Variants in NECAB1 observed in about 807,000 individuals in gnomAD.
NECAB1 encodes the protein N-terminal EF-hand calcium-binding protein 1.
In NECAB1, 29 loss-of-function variants were observed where a neutral mutation model predicts 57.5. That is an observed-to-expected ratio of 0.50 (90% CI 0.38 to 0.69). The LOEUF is 0.69. Among genes scored for constraint, NECAB1 ranks in the 30% least tolerant of loss-of-function variants. NECAB1 has a pLI of 0.00. For missense variants in NECAB1, 372 were observed against 413.8 expected (o/e 0.90, Z 0.88); for synonymous variants, 142 against 147.7 (o/e 0.96, Z 0.28).
At chr8:90,862,390 G>A (rs778496456) in intron 3 of NECAB1, among the ~76,000 whole-genome samples, 28 of 152,102 alleles carry the variant, frequency 1.8e-4, no homozygotes, top group Non-Finnish European at 5.9e-5. Context: ...TGGATGTTGG[G>A]CAGTGAGCAT....
intron 5 of NECAB1, among the ~76,000 whole-genome samples, chr8:90,887,118 A>T (rs28720868): frequency 5.9e-5 from 9 of 152,198 alleles, no homozygotes; most frequent in Non-Finnish European, 2.9e-5. Context: ...CATGCCATTT[A>T]TCATCCTTTA....
At chr8:90,945,056 C>G (rs144893718) in intron 10 of NECAB1, among the ~76,000 whole-genome samples, 2 of 151,942 alleles carry the variant, frequency 1.3e-5, no homozygotes, top group East Asian at 3.9e-4. Flanking sequence ...TGCCACCATG[C>G]CTGGCTAATT....
chr8:90,939,977 A>G (rs1242458952), intron 9 of NECAB1, among the ~76,000 whole-genome samples: 1 of 152,208 alleles, frequency 6.6e-6, no homozygotes, highest in Non-Finnish European at 1.5e-5. Context: ...ATTCATGCCA[A>G]TCCTTACTTT....
intron 2 of NECAB1, among the ~76,000 whole-genome samples, chr8:90,803,952 G>A (rs1304034440): frequency 6.6e-6 from 1 of 152,162 alleles, no homozygotes; most frequent in Non-Finnish European, 1.5e-5. Context: ...TGTGTTCTCA[G>A]CACAATTGGA....
At chr8:90,929,628 T>C (rs1383304381) in intron 8 of NECAB1, among the ~76,000 whole-genome samples, 4 of 151,948 alleles carry the variant, frequency 2.6e-5, no homozygotes, top group African/African-American at 4.8e-5. Flanking sequence ...GCCTCCTGGA[T>C]AGGGGAGGGG....
At chr8:90,943,126 A>G (rs1265326984) in intron 10 of NECAB1, among the ~76,000 whole-genome samples, 1 of 152,198 alleles carries the variant, frequency 6.6e-6, no homozygotes, top group African/African-American at 2.4e-5. Flanking sequence ...AGCTACTAGA[A>G]CAGCCCCAGG....
chr8:90,794,600 A>G (rs1429484402), intron 1 of NECAB1, among the ~76,000 whole-genome samples: 1 of 152,236 alleles, frequency 6.6e-6, no homozygotes, highest in African/African-American at 2.4e-5. Flanking sequence ...AACTAGAGAC[A>G]GATTTTAACA....
intron 3 of NECAB1, among the ~76,000 whole-genome samples, chr8:90,826,787 T>G (rs1812232897): frequency 6.6e-6 from 1 of 151,832 alleles, no homozygotes; most frequent in African/African-American, 2.4e-5. Context: ...TTTGCTATTT[T>G]ATTTATATAA....
chr8:90,923,497 G>A (rs1306715935), intron 6 of NECAB1, among the ~76,000 whole-genome samples: 1 of 152,204 alleles, frequency 6.6e-6, no homozygotes, highest in Non-Finnish European at 1.5e-5. Flanking sequence ...CCAGGCCACT[G>A]TACAGTGAAG....
At chr8:90,937,994 G>T (rs2740789) in intron 9 of NECAB1, among the ~76,000 whole-genome samples, 90,147 of 152,094 alleles carry the variant, frequency 0.59, 30,042 homozygotes, top group African/African-American at 0.89. Context: ...AGAAAGGCTA[G>T]GGTATCTCTG....
intron 5 of NECAB1, among the ~76,000 whole-genome samples, chr8:90,890,656 C>T (rs536764029): frequency 6.6e-6 from 1 of 152,160 alleles, no homozygotes; most frequent in South Asian, 2.1e-4. Context: ...TAAATATGGT[C>T]ACCCTAAAAC....
At chr8:90,871,898 G>A (rs1435101210) in intron 3 of NECAB1, among the ~76,000 whole-genome samples, 3 of 152,072 alleles carry the variant, frequency 2.0e-5, no homozygotes, top group African/African-American at 7.2e-5. Flanking sequence ...CCATCATGTT[G>A]CAGAGGAAAA....
intron 11 of NECAB1, among the ~76,000 whole-genome samples, chr8:90,950,303 A>C (rs1563547312): frequency 1.3e-5 from 2 of 152,134 alleles, no homozygotes; most frequent in African/African-American, 2.4e-5. Context: ...ACTACATATA[A>C]TTTTTAGAGT....
At chr8:90,880,343 T>C (rs1808814021) in intron 4 of NECAB1, among the ~76,000 whole-genome samples, 1 of 152,140 alleles carries the variant, frequency 6.6e-6, no homozygotes, top group Non-Finnish European at 1.5e-5. Flanking sequence ...GCTAGTTTGC[T>C]TTCATTATAG....
chr8:90,917,964 A>ATGTG (rs1378113592), intron 6 of NECAB1, among the ~76,000 whole-genome samples: 2 of 38,974 alleles, frequency 5.1e-5, no homozygotes, highest in Non-Finnish European at 7.4e-5. Flanking sequence ...ACACACACAT[A>ATGTG]TGTGTGTGTG....
At chr8:90,886,305 A>G (rs1396214486) in intron 5 of NECAB1, among the ~76,000 whole-genome samples, 1 of 151,892 alleles carries the variant, frequency 6.6e-6, no homozygotes. Context: ...TTTTTTTCAA[A>G]TAGGTAACTA....
intron 3 of NECAB1, among the ~76,000 whole-genome samples, chr8:90,831,070 T>G (rs1162917853): frequency 6.6e-6 from 1 of 152,122 alleles, no homozygotes; most frequent in East Asian, 1.9e-4. Flanking sequence ...TCCCATCATC[T>G]CTCACCTCTT....
At chr8:90,819,025 G>C (rs984507710) in intron 2 of NECAB1, among the ~76,000 whole-genome samples, 2 of 151,876 alleles carry the variant, frequency 1.3e-5, no homozygotes, top group African/African-American at 4.8e-5. Context: ...GAGAAATACC[G>C]ACATTTCTAT....
At chr8:90,864,748 G>A (rs1490256526) in intron 3 of NECAB1, among the ~76,000 whole-genome samples, 1 of 152,002 alleles carries the variant, frequency 6.6e-6, no homozygotes, top group African/African-American at 2.4e-5. Context: ...ACTGTAGATG[G>A]GATTCTACCA....
Sources: gnomAD v4.1 joint callset for allele counts (sites outside exome capture counted in the v4.1 genomes callset) on GRCh38, gnomAD v4.1.1 for gene constraint, MANE v1.5 for transcripts, NCBI Gene and HGNC (gene_info 2026-07-23, HGNC 2026-07-21) for gene names.